Variants in TMC2 observed in about 807,000 individuals in gnomAD.
TMC2 encodes transmembrane channel like 2.
A neutral mutation model predicts 105.9 loss-of-function variants in TMC2; 102 were observed. That is an observed-to-expected ratio of 0.96 (90% confidence interval 0.82 to 1.14). The LOEUF (loss-of-function observed/expected upper bound fraction) is 1.14. Ranked by LOEUF, TMC2 falls within the 50% of genes most tolerant of loss-of-function variation. The pLI is 0.00. For missense variants in TMC2, 1,093 were observed against 1,134.3 expected, an observed-to-expected ratio of 0.96 and a Z score of 0.52; for synonymous variants, 402 against 422.8, an observed-to-expected ratio of 0.95 and a Z score of 0.60.
chr20:2,536,704 C>T, intron 1 of TMC2, 49 bp downstream of exon 1: 1 of 1,550,882 alleles, frequency 6.4e-7, no homozygotes, highest in South Asian at 1.2e-5. Context: ...GGTTCCTGGG[C>T]AGCAGCAGGG....
intron 7 of TMC2, among the ~76,000 whole-genome samples, chr20:2,583,431 A>G (rs2086209295): frequency 6.6e-6 from 1 of 151,194 alleles, no homozygotes; most frequent in African/African-American, 2.4e-5. Flanking sequence ...TGAGGCCCTT[A>G]GTCCAGCAAC....
intron 8 of TMC2, 132 bp from the exon 9 acceptor site, chr20:2,594,693 T>C: frequency 1.1e-6 from 1 of 911,070 alleles, no homozygotes; most frequent in South Asian, 1.7e-5. Flanking sequence ...AACAAGAACA[T>C]CTGGAACTCT....
intron 1 of TMC2, among the ~76,000 whole-genome samples, chr20:2,536,962 TG>T (rs2085853603): frequency 6.6e-6 from 1 of 152,026 alleles, no homozygotes; most frequent in African/African-American, 2.4e-5. Context: ...CAGAGCCTGC[TG>T]GGGCGTCTCA....
chr20:2,573,288 C>T (rs1003484884), intron 5 of TMC2, among the ~76,000 whole-genome samples: 1 of 151,988 alleles, frequency 6.6e-6, no homozygotes. Context: ...CTTATCTATA[C>T]AATATTTAGT....
At chr20:2,540,499 A>G (rs1425626583) in intron 2 of TMC2, among the ~76,000 whole-genome samples, 1 of 151,802 alleles carries the variant, frequency 6.6e-6, no homozygotes, top group African/African-American at 2.4e-5. Context: ...TGTCTCTACT[A>G]AAAATACAAA....
intron 11 of TMC2, among the ~76,000 whole-genome samples, chr20:2,604,617 G>T (rs1485392234): frequency 6.6e-6 from 1 of 152,138 alleles, no homozygotes. Flanking sequence ...GTTGCTGGAA[G>T]CTCCTGGATA....
rs6050063 is a variant in TMC2 at position 2,558,741 on chromosome 20, G to A, written c.368G>A (p.Arg123Lys). The A allele has an allele frequency of 0.64, 1,004,519 of 1,568,090 alleles. 323,366 individuals are homozygous for A. The highest frequency in any genetic ancestry group is 0.73 in the African/African-American group (53,472 of 73,232). Reference sequence around the variant, plus strand: ...AAGAGGGAAAAGGAGATTCCGAGGAGGGAGGAGAAGTCGAAGCGGCAGAAG... The same window carrying A: ...AAGAGGGAAAAGGAGATTCCGAGGAAGGAGGAGAAGTCGAAGCGGCAGAAG... ...APKREKEIPR[R>K]EEKSKRQKKP... Residue 123 changes from arginine (R) to lysine (K), a missense_variant, in exon 3 of 20, where the codon AGG (arginine) becomes AAG (lysine). Physicochemically the swap from Arg to Lys is conservative, Grantham distance 26 (BLOSUM62 2). Coordinates refer to ENST00000358864, the MANE Select transcript of TMC2 (RefSeq NM_080751.3). This position sits in a 1 kb window ranked among gnomAD's most constrained non-coding sequence, Gnocchi z 4.6.
At chr20:2,543,101 G>C (rs1020694715) in intron 2 of TMC2, among the ~76,000 whole-genome samples, 1 of 151,914 alleles carries the variant, frequency 6.6e-6, no homozygotes, top group Non-Finnish European at 1.5e-5. Context: ...GTCAGGCAAG[G>C]TGGCATACAC....
chr20:2,555,235 G>A (rs944592791), intron 2 of TMC2, among the ~76,000 whole-genome samples: 20 of 151,948 alleles, frequency 1.3e-4, no homozygotes, highest in African/African-American at 4.3e-4. Context: ...CATGCGCCAC[G>A]ATGCCCAGCT....
chr20:2,544,427 C>T (rs932502140), intron 2 of TMC2, among the ~76,000 whole-genome samples: 1 of 152,084 alleles, frequency 6.6e-6, no homozygotes, highest in African/African-American at 2.4e-5. Context: ...GATCTCATCC[C>T]GAATCTAGAG....
chr20:2,548,682 T>C (rs2085939215), intron 2 of TMC2, among the ~76,000 whole-genome samples: 1 of 152,026 alleles, frequency 6.6e-6, no homozygotes, highest in Admixed American at 6.5e-5. Flanking sequence ...GTTAGGCATC[T>C]AATCAATATC....
At chr20:2,607,544 GCT>G (rs992375582) in intron 11 of TMC2, among the ~76,000 whole-genome samples, 1 of 152,172 alleles carries the variant, frequency 6.6e-6, no homozygotes, top group Non-Finnish European at 1.5e-5. Context: ...CACAGTGTCA[GCT>G]GCTGTTCTCA....
chr20:2,578,881 G>C (rs1478268840), intron 5 of TMC2, among the ~76,000 whole-genome samples: 2 of 152,210 alleles, frequency 1.3e-5, no homozygotes, highest in African/African-American at 4.8e-5. Context: ...TCTACAAACT[G>C]TCCAAACCAG....
rs144981476 is a variant in TMC2, at chr20:2,540,288, C to T, written c.82+2972C>T. Among the ~76,000 whole-genome samples the T allele has an allele frequency of 8.1e-3, 1,236 of 151,992 alleles. 20 individuals are homozygous for T. The highest frequency in any genetic ancestry group is 0.028 in the African/African-American group (1,172 of 41,500). On this transcript the variant is annotated intron_variant, in intron 2 of 19. Transcript: ENST00000358864. Reference sequence around the variant, plus strand: ...ACAGGTGTGAGCCTCCGTGCCTGGCCGCAAGACTTTTCAATGCACCTATGC... The same window carrying T: ...ACAGGTGTGAGCCTCCGTGCCTGGCTGCAAGACTTTTCAATGCACCTATGC...
chr20:2,623,707 G>A (rs2086543373), intron 16 of TMC2, among the ~76,000 whole-genome samples: 1 of 152,170 alleles, frequency 6.6e-6, no homozygotes. Flanking sequence ...GCCAGCATTT[G>A]TAGAAGTAAA....
At chr20:2,612,372 C>T (rs925636621) in intron 13 of TMC2, 32 bp downstream of exon 13, 4 of 1,492,504 alleles carry the variant, frequency 2.7e-6, no homozygotes, top group African/African-American at 1.4e-5. Flanking sequence ...AAAGGTGACC[C>T]CTGTTCTCAG....
intron 4 of TMC2, among the ~76,000 whole-genome samples, chr20:2,569,743 G>T (rs992764980): frequency 1.3e-5 from 2 of 152,120 alleles, no homozygotes; most frequent in Non-Finnish European, 2.9e-5. Context: ...TCTGTTCAGG[G>T]TCTCATCACA....
At chr20:2,632,417 GTTCTTTGATCATA>G (rs1050712004) in intron 17 of TMC2, among the ~76,000 whole-genome samples, 2 of 151,606 alleles carry the variant, frequency 1.3e-5, no homozygotes, top group Non-Finnish European at 2.9e-5. Context: ...GTTTTGTATC[GTTCTTTGATCATA>G]TTCTTTGATC....
chr20:2,630,443 A>T (rs1480648256), intron 17 of TMC2, among the ~76,000 whole-genome samples: 1 of 152,196 alleles, frequency 6.6e-6, no homozygotes, highest in Non-Finnish European at 1.5e-5. Context: ...ATTACAAAAT[A>T]ATCCTATTTG....
Sources: gnomAD v4.1 joint callset for allele counts (sites outside exome capture counted in the v4.1 genomes callset) on GRCh38, gnomAD v4.1.1 for gene constraint, Gnocchi (gnomAD v3.1) non-coding constraint, MANE v1.5 for transcripts, NCBI Gene and HGNC (gene_info 2026-07-23, HGNC 2026-07-21) for gene names.